APP: variants seen among roughly 807,000 people sequenced by gnomAD.
The protein encoded by APP is amyloid-beta precursor protein.
A neutral mutation model predicts 101.4 loss-of-function variants in APP; 31 were observed. The ratio of observed to expected loss-of-function variants is 0.31; its 90% CI spans 0.23 to 0.41. APP has a LOEUF of 0.41. APP is among the 10% of genes least tolerant of loss of function. The probability of loss-of-function intolerance (pLI) is 1.00; values close to 1 mark genes in which losing one functional copy is unlikely to be tolerated. For missense variants in APP, 839 were observed against 1,003.7 expected, an observed-to-expected ratio of 0.84 and a Z score of 2.22; for synonymous variants, 366 against 364.4, an observed-to-expected ratio of 1.00 and a Z score of -0.05.
chr21:26,046,797 G>A (rs532954481), intron 5 of APP, among the ~76,000 whole-genome samples: 13 of 152,256 alleles, frequency 8.5e-5, no homozygotes, highest in African/African-American at 3.1e-4. Flanking sequence ...ATCAGATTCT[G>A]CAGTTCCAGG....
rs148888161 is a variant in APP at position 25,891,809 on chromosome 21, G to A, written c.2124C>T (p.Gly708=). 3,562 of 1,613,822 alleles carry A rather than the reference G, an allele frequency of 2.2e-3. 5 individuals carry two copies. The highest frequency in any genetic ancestry group is 7.5e-3 in the African/African-American group (562 of 74,948). ...NKGAIIGLMV[G]GVVIATVIVI... is the part of the protein sequence containing the mutation. ...CGATCACTGTCGCTATGACAACACC[G>A]CCCACCATGAGTCCAATGATTGCAC... The change falls in exon 17 of 18, where the codon GGC becomes GGT. Residue 708 remains glycine (G), a synonymous_variant. Coordinates refer to ENST00000346798, the MANE Select transcript of APP (RefSeq NM_000484.4).
At chr21:26,022,367 A>G (rs950190956) in intron 5 of APP, among the ~76,000 whole-genome samples, 16 of 152,192 alleles carry the variant, frequency 1.1e-4, no homozygotes, top group Admixed American at 2.0e-4. Flanking sequence ...GAATAGGTGG[A>G]GTAGAGAGGA....
intron 2 of APP, among the ~76,000 whole-genome samples, chr21:26,098,769 ATTTC>A (rs2061999200): frequency 6.6e-6 from 1 of 152,204 alleles, no homozygotes; most frequent in African/African-American, 2.4e-5. Context: ...CCAAATTCTT[ATTTC>A]TTTTTGAAAA....
chr21:25,938,693 C>T (rs184382472), intron 13 of APP, among the ~76,000 whole-genome samples: 1 of 152,298 alleles, frequency 6.6e-6, no homozygotes, highest in East Asian at 1.9e-4. Context: ...ACAATGATTT[C>T]AGGATGACAA....
chr21:25,966,722 T>C (rs962283717), intron 11 of APP, among the ~76,000 whole-genome samples: 4 of 152,202 alleles, frequency 2.6e-5, no homozygotes, highest in African/African-American at 7.2e-5. Flanking sequence ...AATAATTGGT[T>C]TGTTGGGTGA....
chr21:25,966,984 ATT>A (rs1405032604), intron 11 of APP, among the ~76,000 whole-genome samples: 5 of 152,184 alleles, frequency 3.3e-5, no homozygotes, highest in African/African-American at 9.7e-5. Flanking sequence ...CTTGTTGAAC[ATT>A]TATTGCTCTT....
At chr21:26,037,773 C>T (rs988245664) in intron 5 of APP, among the ~76,000 whole-genome samples, 4 of 152,148 alleles carry the variant, frequency 2.6e-5, no homozygotes, top group African/African-American at 9.7e-5. Flanking sequence ...TCCTTGGCTC[C>T]AATTTTCCAA....
chr21:25,940,389 A>G (rs113878533), intron 13 of APP, among the ~76,000 whole-genome samples: 2 of 152,212 alleles, frequency 1.3e-5, no homozygotes, highest in Non-Finnish European at 2.9e-5. Context: ...AGACCCAAAT[A>G]GTCTAAAAGG....
chr21:26,151,415 T>A (rs1007354837), intron 1 of APP, among the ~76,000 whole-genome samples: 1 of 152,186 alleles, frequency 6.6e-6, no homozygotes, highest in Non-Finnish European at 1.5e-5. Flanking sequence ...AATAAGAGGA[T>A]TGCTTGTTTG....
At chr21:26,056,811 A>G (rs1004931327) in intron 3 of APP, among the ~76,000 whole-genome samples, 3 of 152,222 alleles carry the variant, frequency 2.0e-5, no homozygotes, top group Admixed American at 6.5e-5. Context: ...ATTGTATTCT[A>G]ACATTAAAAT....
At chr21:26,165,080 A>G (rs538462592) in intron 1 of APP, among the ~76,000 whole-genome samples, 1 of 152,340 alleles carries the variant, frequency 6.6e-6, no homozygotes, top group South Asian at 2.1e-4. Context: ...TAAAAATTGT[A>G]TCTGAGATAC....
chr21:26,140,496 A>AT (rs2146307061), intron 1 of APP: 2 of 635,966 alleles, frequency 3.1e-6, no homozygotes, highest in African/African-American at 3.7e-5. Flanking sequence ...CTTTTGTAGG[A>AT]TTTTCTTGGC....
At chr21:25,902,303 G>A (rs187629766) in intron 15 of APP, among the ~76,000 whole-genome samples, 41 of 152,252 alleles carry the variant, frequency 2.7e-4, no homozygotes, top group Admixed American at 2.3e-3. Context: ...GATATAATTC[G>A]GCACATTAGA....
Position 26,028,138 on chromosome 21 carries a change from T to C in APP, c.663-6096A>G, listed in dbSNP as rs539945357. Among the ~76,000 whole-genome samples the C allele has an allele frequency of 1.9e-4, 29 of 150,050 alleles. 1 individual carries two copies. In the South Asian group the frequency reaches 2.7e-3, roughly 14 times the overall value. Reference sequence around the variant, plus strand: ...TTGAACTCAGGAGGCAGAAGCTGCATTGCACTCCAGCCTGGGTGACAGAGT... The same window carrying C: ...TTGAACTCAGGAGGCAGAAGCTGCACTGCACTCCAGCCTGGGTGACAGAGT... On this transcript the variant is annotated intron_variant, in intron 5 of 17. Coordinates refer to ENST00000346798, the MANE Select transcript of APP (RefSeq NM_000484.4).
rs191651536 is a variant in APP, at chr21:25,881,112, A to G, written c.*558T>C. 6.2e-6 allele frequency: 1 copy of G among 161,748 alleles called. No homozygotes were observed. Among genetic ancestry groups the G allele is most frequent in the Non-Finnish European group, 1.4e-5 (1 of 72,920 alleles). 10.0% of individuals were successfully genotyped at this position (161,748 alleles called of 1,614,324 possible). On this transcript the variant is annotated 3_prime_UTR_variant, in exon 18 of 18. Transcript: ENST00000346798. The stretch of plus-strand genomic sequence containing the variant: ...TCCTCTTAATTCCTATATCACAAAT[A>G]TAGCAGAAGCAGCAATCTGTACAGT...
At chr21:26,136,570 A>G (rs2062923004) in intron 1 of APP, among the ~76,000 whole-genome samples, 2 of 152,166 alleles carry the variant, frequency 1.3e-5, no homozygotes, top group African/African-American at 2.4e-5. Flanking sequence ...TTTGATTTAT[A>G]AATAATCTAA....
At chr21:25,946,290 C>A (rs896756456) in intron 13 of APP, among the ~76,000 whole-genome samples, 1 of 152,162 alleles carries the variant, frequency 6.6e-6, no homozygotes, top group African/African-American at 2.4e-5. Context: ...ATACAACCTA[C>A]AGAATGGGTA....
intron 11 of APP, among the ~76,000 whole-genome samples, chr21:25,967,588 T>C (rs999756056): frequency 1.3e-5 from 2 of 152,214 alleles, no homozygotes; most frequent in Admixed American, 6.5e-5. Context: ...AGAAAGTTGA[T>C]TGAAATAAAA....
At chr21:25,960,407 T>C (rs2041528808) in intron 11 of APP, among the ~76,000 whole-genome samples, 2 of 152,174 alleles carry the variant, frequency 1.3e-5, no homozygotes, top group Non-Finnish European at 2.9e-5. Context: ...GTAAAACTTG[T>C]TAATCCTAAA....
Sources: gnomAD v4.1 joint callset for allele counts (sites outside exome capture counted in the v4.1 genomes callset) on GRCh38, gnomAD v4.1.1 for gene constraint, MANE v1.5 for transcripts, NCBI Gene and HGNC (gene_info 2026-07-23, HGNC 2026-07-21) for gene names.